The following MAST4 variants were observed in gnomAD, a reference collection of about 807,000 sequenced individuals.
MAST4 encodes the protein microtubule associated serine/threonine kinase family member 4.
In MAST4, 89 loss-of-function variants were observed where a neutral mutation model predicts 162.7. The observed-to-expected ratio is 0.55, with a 90% CI of 0.46 to 0.65. The LOEUF (loss-of-function observed/expected upper bound fraction) is 0.65, where lower values mean the gene tolerates loss of function less well. MAST4 is among the 30% of genes least tolerant of loss of function. MAST4 has a pLI of 0.00. For missense variants in MAST4, 3,153 were observed against 3,374.0 expected (o/e 0.93, Z 1.62); for synonymous variants, 1,479 against 1,361.1 (o/e 1.09, Z -1.91).
At chr5:66,942,839 T>A (rs574415306) in intron 4 of MAST4, among the ~76,000 whole-genome samples, 2 of 152,064 alleles carry the variant, frequency 1.3e-5, no homozygotes, top group Non-Finnish European at 2.9e-5. Context: ...TAACAAAATA[T>A]ATAAGCTGGG....
intron 4 of MAST4, among the ~76,000 whole-genome samples, chr5:66,932,593 A>G (rs1055653054): frequency 6.6e-6 from 1 of 152,214 alleles, no homozygotes; most frequent in Non-Finnish European, 1.5e-5. Flanking sequence ...AAGGCCAGAA[A>G]TGATGAAACC....
chr5:66,633,878 G>T (rs189469993), intron 1 of MAST4, among the ~76,000 whole-genome samples: 36 of 152,196 alleles, frequency 2.4e-4, no homozygotes, highest in Admixed American at 4.6e-4. Flanking sequence ...GTGTTTTGGT[G>T]CAAGGCCGTC....
intron 1 of MAST4, among the ~76,000 whole-genome samples, chr5:66,637,019 T>A (rs1745165130): frequency 6.6e-6 from 1 of 152,252 alleles, no homozygotes; most frequent in Admixed American, 6.5e-5. Flanking sequence ...AATGCCACTG[T>A]GGAAATGTTG....
chr5:66,624,150 T>TG (rs1238697532), intron 1 of MAST4, among the ~76,000 whole-genome samples: 1 of 61,630 alleles, frequency 1.6e-5, no homozygotes, highest in African/African-American at 5.2e-5. Flanking sequence ...TAAAATGTTT[T>TG]TTTTTTTTTT....
intron 4 of MAST4, among the ~76,000 whole-genome samples, chr5:66,908,692 G>A (rs1322501368): frequency 6.6e-6 from 1 of 152,168 alleles, no homozygotes; most frequent in Non-Finnish European, 1.5e-5. Context: ...CTTATTTAGA[G>A]TGACCCATTG....
intron 4 of MAST4, among the ~76,000 whole-genome samples, chr5:66,900,935 A>G (rs369722443): frequency 2.0e-5 from 3 of 152,270 alleles, no homozygotes; most frequent in African/African-American, 4.8e-5. Flanking sequence ...CCAGGCAGAC[A>G]CTGGATTATT....
chr5:67,165,792 A>G lies in MAST4; in HGVS notation c.6613A>G (p.Thr2205Ala), dbSNP rs921005709. Residue 2205 changes from threonine (T) to alanine (A), a missense_variant, in exon 29 of 29, where the codon ACT becomes GCT. By Grantham distance (58) the Thr-to-Ala change is moderately conservative (BLOSUM62 0). Coordinates refer to ENST00000403625, the MANE Select transcript of MAST4 (RefSeq NM_001164664.2). ...TGGCCCTGACCCGGGCCCTCCAAAG[A>G]CTAAGCACCCCGACCGGTCCCTCTC... ...RPGPDPGPPK[T>A]KHPDRSLSSQ... 20 of 1,609,098 alleles carry G rather than the reference A, an allele frequency of 1.2e-5. No homozygotes were observed. In the Admixed American group the frequency reaches 2.4e-4, roughly 19 times the overall value.
At chr5:66,991,216 G>A (rs1750033971) in intron 4 of MAST4, among the ~76,000 whole-genome samples, 1 of 152,052 alleles carries the variant, frequency 6.6e-6, no homozygotes, top group Admixed American at 6.6e-5. Flanking sequence ...TGCTTCCCTT[G>A]GAGAGTAGCA....
At position 67,142,482 on chromosome 5, in the gene MAST4, C is replaced by CT; in HGVS notation, c.2682dup (p.Asn895Ter). 1.3e-6 allele frequency: 2 copies of CT among 1,599,078 alleles called. No homozygotes were observed. Among genetic ancestry groups the CT allele is most frequent in the Non-Finnish European group, 1.7e-6 (2 of 1,172,298 alleles). On this transcript the variant is annotated frameshift_variant, in exon 21 of 29. Coordinates refer to ENST00000403625, the MANE Select transcript of MAST4 (RefSeq NM_001164664.2). LOFTEE classifies it high-confidence loss of function. ...AAGAAGATGACACAAATGATGAAGA[C>CT]TTTAATGTGGAAATAAGGCAGTTTT...
At chr5:66,954,977 G>A (rs1259358481) in intron 4 of MAST4, among the ~76,000 whole-genome samples, 3 of 149,354 alleles carry the variant, frequency 2.0e-5, no homozygotes, top group Non-Finnish European at 2.9e-5. Context: ...GAGGTGGGTG[G>A]ATCACTTGAG....
chr5:66,906,308 C>CATTGGCTGAAA (rs1393350699), intron 4 of MAST4, among the ~76,000 whole-genome samples: 1 of 152,160 alleles, frequency 6.6e-6, no homozygotes, highest in African/African-American at 2.4e-5. Flanking sequence ...TTTGGAATGC[C>CATTGGCTGAAA]ATTGGCTGAA....
At chr5:66,989,902 TA>T (rs1441716187) in intron 4 of MAST4, among the ~76,000 whole-genome samples, 1 of 152,118 alleles carries the variant, frequency 6.6e-6, no homozygotes, top group Non-Finnish European at 1.5e-5. Context: ...GACACATAAA[TA>T]AATGAGCTGA....
At chr5:66,767,170 C>CGTTGTGTGTGT (rs1491178013) in intron 2 of MAST4, among the ~76,000 whole-genome samples, 87 of 139,560 alleles carry the variant, frequency 6.2e-4, no homozygotes, top group African/African-American at 2.1e-3. Flanking sequence ...GTAAAGTGCA[C>CGTTGTGTGTGT]GTGTGTGTGT....
intron 1 of MAST4, among the ~76,000 whole-genome samples, chr5:66,703,393 A>G (rs1018421365): frequency 1.3e-5 from 2 of 152,210 alleles, no homozygotes; most frequent in Non-Finnish European, 2.9e-5. Flanking sequence ...GATCATTGTC[A>G]TAAAATCACT....
chr5:67,044,825 C>G (rs1294898188), intron 4 of MAST4, among the ~76,000 whole-genome samples: 15 of 152,200 alleles, frequency 9.9e-5, no homozygotes, highest in Admixed American at 9.8e-4. Context: ...TATCCAGCTT[C>G]TACTTGACTT....
At chr5:66,711,243 C>T (rs2149524182) in intron 1 of MAST4, among the ~76,000 whole-genome samples, 1 of 152,288 alleles carries the variant, frequency 6.6e-6, no homozygotes, top group East Asian at 1.9e-4. Context: ...CAAATTATGA[C>T]AAACTTAGTG....
At chr5:66,996,561 C>T (rs34696) in intron 4 of MAST4, among the ~76,000 whole-genome samples, 7 of 151,956 alleles carry the variant, frequency 4.6e-5, no homozygotes, top group East Asian at 3.9e-4. Context: ...AATTTCTGTG[C>T]GCTGAAATCA....
chr5:66,746,240 G>T (rs1342726313), intron 1 of MAST4, among the ~76,000 whole-genome samples: 1 of 152,168 alleles, frequency 6.6e-6, no homozygotes, highest in Admixed American at 6.5e-5. Context: ...GGATCATTTG[G>T]ATTGGTTGAC....
chr5:67,057,960 G>A (rs530678393), intron 5 of MAST4, among the ~76,000 whole-genome samples: 1 of 150,720 alleles, frequency 6.6e-6, no homozygotes, highest in East Asian at 1.9e-4. Context: ...AAAAAAAGTG[G>A]CCAGGCACAG....
Sources: gnomAD v4.1 joint callset for allele counts (sites outside exome capture counted in the v4.1 genomes callset) on GRCh38, gnomAD v4.1.1 for gene constraint, MANE v1.5 for transcripts, NCBI Gene and HGNC (gene_info 2026-07-23, HGNC 2026-07-21) for gene names.